The following GNAQ variants were observed in gnomAD, a reference collection of about 807,000 sequenced individuals.
GNAQ encodes the protein guanine nucleotide-binding protein G(q) subunit alpha.
A neutral mutation model predicts 43.9 loss-of-function variants in GNAQ; 8 were observed. The ratio of observed to expected loss-of-function variants is 0.18; its 90% CI spans 0.11 to 0.33. The LOEUF (loss-of-function observed/expected upper bound fraction) is 0.33, where lower values mean the gene tolerates loss of function less well. Among genes scored for constraint, GNAQ ranks in the 10% least tolerant of loss-of-function variants. The pLI, the probability that GNAQ is intolerant of heterozygous loss-of-function variation, is 1.00. For synonymous variants in GNAQ, 155 were observed against 170.7 expected (o/e 0.91, Z 0.71); for missense variants, 158 against 450.8 (o/e 0.35, Z 5.88).
intron 2 of GNAQ, among the ~76,000 whole-genome samples, chr9:77,864,783 G>C (rs576994710): frequency 1.3e-5 from 2 of 152,272 alleles, no homozygotes; most frequent in Admixed American, 1.3e-4. Flanking sequence ...GCAGCAATAG[G>C]AAATGAACAC....
intron 1 of GNAQ, among the ~76,000 whole-genome samples, chr9:78,014,186 G>C (rs1823808626): frequency 6.6e-6 from 1 of 152,124 alleles, no homozygotes; most frequent in African/African-American, 2.4e-5. Flanking sequence ...AGGAGGAATA[G>C]GGGTAGCTGC....
chr9:77,994,598 G>T (rs145024246), intron 1 of GNAQ, among the ~76,000 whole-genome samples: 12 of 152,186 alleles, frequency 7.9e-5, no homozygotes, highest in African/African-American at 2.9e-4. Context: ...ATTCACTTAT[G>T]ATCCACCTCA....
intron 2 of GNAQ, among the ~76,000 whole-genome samples, chr9:77,855,813 A>G (rs1353796993): frequency 2.0e-5 from 3 of 152,140 alleles, no homozygotes; most frequent in African/African-American, 7.2e-5. Flanking sequence ...ACTGGCTATA[A>G]TATAACCAAA....
At chr9:77,835,966 T>C (rs1368016339) in intron 2 of GNAQ, among the ~76,000 whole-genome samples, 1 of 152,112 alleles carries the variant, frequency 6.6e-6, no homozygotes, top group Non-Finnish European at 1.5e-5. Flanking sequence ...GACTGCAAAA[T>C]AGGCTTTCTA....
intron 2 of GNAQ, among the ~76,000 whole-genome samples, chr9:77,921,321 T>C (rs1368964906): frequency 6.6e-6 from 1 of 152,244 alleles, no homozygotes; most frequent in Admixed American, 6.5e-5. Flanking sequence ...ACACCCTGGG[T>C]GCAGGTCCAG....
chr9:77,757,833 T>G (rs1460306900), intron 5 of GNAQ, among the ~76,000 whole-genome samples: 2 of 152,218 alleles, frequency 1.3e-5, no homozygotes, highest in Non-Finnish European at 2.9e-5. Flanking sequence ...CAATATCTAG[T>G]TCTAGTAACA....
intron 1 of GNAQ, among the ~76,000 whole-genome samples, chr9:78,008,606 TTTCATTTC>T (rs1564177004): frequency 6.6e-4 from 97 of 146,582 alleles, no homozygotes; most frequent in African/African-American, 2.4e-3. Context: ...TTTCATTTCA[TTTCATTTC>T]ATTTCATTTT....
At chr9:77,988,457 T>A (rs904496983) in intron 1 of GNAQ, among the ~76,000 whole-genome samples, 3 of 152,232 alleles carry the variant, frequency 2.0e-5, no homozygotes, top group Non-Finnish European at 2.9e-5. Flanking sequence ...GTATCTTCCA[T>A]CAATGGAGCA....
At chr9:77,958,607 A>G (rs1217409132) in intron 1 of GNAQ, among the ~76,000 whole-genome samples, 1 of 152,204 alleles carries the variant, frequency 6.6e-6, no homozygotes, top group East Asian at 1.9e-4. Context: ...TTATTTGCTA[A>G]GGTTAGTGAT....
chr9:77,912,057 C>T (rs1390711069), intron 2 of GNAQ, among the ~76,000 whole-genome samples: 5 of 152,190 alleles, frequency 3.3e-5, no homozygotes, highest in African/African-American at 1.2e-4. Context: ...AAAAAATGCT[C>T]TTCTTTAAAA....
chr9:77,894,409 T>C (rs1163840359), intron 2 of GNAQ, among the ~76,000 whole-genome samples: 3 of 142,578 alleles, frequency 2.1e-5, no homozygotes, highest in African/African-American at 7.8e-5. Context: ...ATTTTATATA[T>C]ATATTTAATA....
chr9:77,943,656 CTAACTT>C (rs1258840655), intron 1 of GNAQ, among the ~76,000 whole-genome samples: 2 of 140,046 alleles, frequency 1.4e-5, no homozygotes, highest in Non-Finnish European at 3.0e-5. Context: ...CTGGAAGTAA[CTAACTT>C]TTTTTTTTTT....
intron 2 of GNAQ, among the ~76,000 whole-genome samples, chr9:77,908,748 T>C (rs1221276213): frequency 1.3e-5 from 2 of 152,224 alleles, no homozygotes; most frequent in East Asian, 1.9e-4. Context: ...TGATTTCATA[T>C]TGCCTCTGGT....
chr9:77,813,510 T>A (rs1826961095), intron 3 of GNAQ, among the ~76,000 whole-genome samples: 1 of 152,152 alleles, frequency 6.6e-6, no homozygotes, highest in Non-Finnish European at 1.5e-5. Flanking sequence ...CCAATCCTCA[T>A]ACTAACTAAT....
intron 2 of GNAQ, among the ~76,000 whole-genome samples, chr9:77,841,659 T>C (rs1237603493): frequency 6.6e-6 from 1 of 152,226 alleles, no homozygotes; most frequent in Non-Finnish European, 1.5e-5. Context: ...AACTATTATA[T>C]GTAAACACAT....
intron 5 of GNAQ, among the ~76,000 whole-genome samples, chr9:77,763,029 T>G (rs1826075998): frequency 6.6e-6 from 1 of 151,004 alleles, no homozygotes; most frequent in African/African-American, 2.4e-5. Flanking sequence ...CTGCTGACCT[T>G]CCCTCCACTA....
In GNAQ at chr9:77,815,502, A is replaced by C. The variant is rs1460780316; in HGVS notation, c.476+114T>G. On this transcript the variant is annotated intron_variant, in intron 3 of 6. Coordinates refer to ENST00000286548, the MANE Select transcript of GNAQ (RefSeq NM_002072.5). ...AATATCTATATTCCCTAACTTTTAA[A>C]GTTTTAATCATATATGACATATACA... 7 of 618,248 alleles carry C rather than the reference A, an allele frequency of 1.1e-5. No individual in the cohort carries two copies. In the South Asian group the frequency reaches 1.4e-4, roughly 12 times the overall value. The allele number at this position is 618,248 out of a possible 1,614,324, so 38.3% of individuals were successfully genotyped here.
rs145279912 is a variant in GNAQ, at chr9:77,971,424, A to T, written c.137-49079T>A. Among the ~76,000 whole-genome samples, 301 of 152,346 alleles carry T rather than the reference A, an allele frequency of 2.0e-3. 3 individuals are homozygous for T. Among genetic ancestry groups the T allele is most frequent in the South Asian group, 0.016 (75 of 4,830 alleles). ...AATCCAGCAGCACATCAAAAAGCTTATCTACCACAATTAAGATGGCTTCAT... is the reference window on the plus strand; with the variant it reads ...AATCCAGCAGCACATCAAAAAGCTTTTCTACCACAATTAAGATGGCTTCAT... On this transcript the variant is annotated intron_variant, in intron 1 of 6. Coordinates refer to ENST00000286548, the MANE Select transcript of GNAQ (RefSeq NM_002072.5).
chr9:77,739,547 T>G (rs979226338), intron 5 of GNAQ, among the ~76,000 whole-genome samples: 2 of 152,248 alleles, frequency 1.3e-5, no homozygotes, highest in Non-Finnish European at 2.9e-5. Flanking sequence ...AGCTTTGATA[T>G]TTCTAAGATT....
Sources: gnomAD v4.1 joint callset for allele counts (sites outside exome capture counted in the v4.1 genomes callset) on GRCh38, gnomAD v4.1.1 for gene constraint, MANE v1.5 for transcripts, NCBI Gene and HGNC (gene_info 2026-07-23, HGNC 2026-07-21) for gene names.